GALE: variants seen among roughly 807,000 people sequenced by gnomAD.
The protein encoded by GALE is UDP-galactose-4-epimerase, also known as UDP-glucose 4-epimerase.
Under a neutral mutation model 44.1 loss-of-function variants are expected in GALE, and 32 were observed. The observed-to-expected ratio is 0.73, with a 90% CI of 0.55 to 0.97. GALE has a LOEUF of 0.97. GALE is among the 50% of genes least tolerant of loss of function. GALE has a pLI of 0.00. For missense variants in GALE, 423 were observed against 455.6 expected, an observed-to-expected ratio of 0.93 and a Z score of 0.65; for synonymous variants, 182 against 183.5, an observed-to-expected ratio of 0.99 and a Z score of 0.06.
rs1006253988 is a variant in GALE at position 23,797,781 on chromosome 1, G to T, written c.442C>A (p.His148Asn). 2 of 1,614,116 alleles carry T rather than the reference G, an allele frequency of 1.2e-6. No individual in the cohort carries two copies. The highest frequency in any genetic ancestry group is 1.7e-6 in the Non-Finnish European group (2 of 1,179,966). ...NPQYLPLDEA[H>N]PTGGCTNPYG... Reference sequence around the variant, plus strand: ...GGGTTGGTACAACCACCCGTGGGGTGGGCCTCATCAAGGGGCAGGTACTGG... The same window carrying T: ...GGGTTGGTACAACCACCCGTGGGGTTGGCCTCATCAAGGGGCAGGTACTGG... The change falls in exon 6 of 12, where the codon CAC becomes AAC. Residue 148 changes from histidine to asparagine, a missense_variant. By Grantham distance (68) the His-to-Asn change is moderately conservative (BLOSUM62 1). Coordinates refer to ENST00000617979, the MANE Select transcript of GALE (RefSeq NM_001008216.2).
chr1:23,800,230 C>G (rs925961083), intron 1 of GALE: 1 of 152,732 alleles, frequency 6.5e-6, no homozygotes, highest in South Asian at 1.9e-4. Flanking sequence ...GCGGCTCGCC[C>G]TTCCCCCACC....
In GALE at chr1:23,799,018, C is replaced by T. The variant is rs1331552865; in HGVS notation, c.-5-6G>A. The T allele has an allele frequency of 1.2e-6, 2 of 1,614,114 alleles. No homozygotes were observed. Among genetic ancestry groups the T allele is most frequent in the Admixed American group, 1.7e-5 (1 of 60,014 alleles). ...CACCTTCTCTGCCATGGCACCTGGC[C>T]CAGGATACAGAGTCTCAGAGGTGGC... On this transcript the variant is annotated splice_polypyrimidine_tract_variant and splice_region_variant and intron_variant, in intron 2 of 11. Transcript: ENST00000617979.
At position 23,798,047 on chromosome 1, in the gene GALE, G is replaced by A. The variant is rs1002887045; in HGVS notation, c.351+70C>T. 4.3e-6 allele frequency: 6 copies of A among 1,392,476 alleles called. No individual in the cohort carries two copies. The highest frequency in any genetic ancestry group is 2.3e-5 in the East Asian group (1 of 43,898). The allele number at this position is 1,392,476 out of a possible 1,614,324, so 86.3% of individuals were successfully genotyped here. ...TGATACAGCTTGGGCTCTGTGTTTG[G>A]CACTGCCTGCCAGGCTGGGGTCCAG... On this transcript the variant is annotated intron_variant, in intron 5 of 11. Transcript: ENST00000617979. This position sits in a 1 kb window ranked among gnomAD's most constrained non-coding sequence, Gnocchi z 4.5.
In GALE at chr1:23,796,496, CG is replaced by C; in HGVS notation, c.873+12del. ...GGTGAGGTGGGTGAGGTGGGTGGGGCGGGGGGGCCTACCTTCTTCCCAGAGG... is the reference window on the plus strand; with the variant it reads ...GGTGAGGTGGGTGAGGTGGGTGGGGCGGGGGGCCTACCTTCTTCCCAGAGG... On this transcript the variant is annotated intron_variant, in intron 10 of 11. Coordinates refer to ENST00000617979, the MANE Select transcript of GALE (RefSeq NM_001008216.2). The surrounding 1 kb of genome is among the most constrained non-coding windows in gnomAD (Gnocchi z 5.2). The C allele has an allele frequency of 1.4e-6, 2 of 1,393,256 alleles. No individual in the cohort carries two copies. The highest frequency in any genetic ancestry group is 9.7e-7 in the Non-Finnish European group (1 of 1,029,984). The allele number at this position is 1,393,256 out of a possible 1,614,324, so 86.3% of individuals were successfully genotyped here. A position where few individuals can be genotyped will look rare whatever the true frequency, so the allele number is the denominator to read the frequency against.
rs753266922 is a variant in GALE, at chr1:23,798,941, G to C, written c.67C>G (p.Leu23Val). 5 of 1,614,202 alleles carry C rather than the reference G, an allele frequency of 3.1e-6. No homozygotes were observed. The highest frequency in any genetic ancestry group is 2.2e-5 in the South Asian group (2 of 91,082). ...YIGSHTVLEL[L>V]EAGYLPVVID... ...ACCACAGGCAAGTAGCCAGCCTCCA[G>C]CAGCTCCAGCACCGTGTGGCTGCCA... The change falls in exon 3 of 12, where the codon CTG (leucine) becomes GTG (valine). Residue 23 changes from leucine to valine, a missense_variant. Leu to Val is a conservative substitution (Grantham distance 32). Coordinates refer to ENST00000617979, the MANE Select transcript of GALE (RefSeq NM_001008216.2). The surrounding 1 kb of genome is among the most constrained non-coding windows in gnomAD (Gnocchi z 4.5).
intron 6 of GALE, 70 bp downstream of exon 6, chr1:23,797,625 C>G (rs933448691): frequency 3.3e-5 from 49 of 1,485,964 alleles, no homozygotes; most frequent in Middle Eastern, 2.0e-4. Flanking sequence ...AATCCCACCC[C>G]TGGGCTCAGG....
At position 23,798,065 on chromosome 1, in the gene GALE, G is replaced by C. The variant is rs1006718483; in HGVS notation, c.351+52C>G. ...GTGTTTGGCACTGCCTGCCAGGCTG[G>C]GGTCCAGCTGGACACCCTCCTAGTG... is the stretch of plus-strand genomic sequence containing the variant. On this transcript the variant is annotated intron_variant, in intron 5 of 11. Transcript: ENST00000617979. The surrounding 1 kb of genome is among the most constrained non-coding windows in gnomAD (Gnocchi z 4.5). The C allele has an allele frequency of 2.0e-6, 3 of 1,472,682 alleles. No individual in the cohort carries two copies. The African/African-American group carries it at 4.2e-5, about 20-fold the overall frequency. The allele number at this position is 1,472,682 out of a possible 1,614,324, so 91.2% of individuals were successfully genotyped here.
chr1:23,795,781 G>A lies in GALE; in HGVS notation c.*168C>T. The A allele has an allele frequency of 1.5e-6, 1 of 674,604 alleles. No individual in the cohort carries two copies. The highest frequency in any genetic ancestry group is 2.7e-6 in the Non-Finnish European group (1 of 372,964). The allele number at this position is 674,604 out of a possible 1,614,324, so 41.8% of individuals were successfully genotyped here. A position where few individuals can be genotyped will look rare whatever the true frequency, so the allele number is the denominator to read the frequency against. ...AAGAGTTAGAGACCTCGGCCTCCTG[G>A]TCAGTGGAGCCCTTGGCCTCATGCC... is the stretch of plus-strand genomic sequence containing the variant. On this transcript the variant is annotated 3_prime_UTR_variant, in exon 12 of 12. Transcript: ENST00000617979.
rs1638939114 is a variant in GALE at position 23,796,093 on chromosome 1, C to T, written c.988+58G>A. The T allele has an allele frequency of 6.2e-7, 1 of 1,600,008 alleles. No individual in the cohort carries two copies. Among genetic ancestry groups the T allele is most frequent in the Non-Finnish European group, 8.6e-7 (1 of 1,167,576 alleles). On this transcript the variant is annotated intron_variant, in intron 11 of 11. Transcript: ENST00000617979. The surrounding 1 kb of genome is among the most constrained non-coding windows in gnomAD (Gnocchi z 5.2). ...CACAGCCCGCCCTGGGTGGGCATGC[C>T]CAGATCTGATTTAGCCCCTCCCTGG...
intron 6 of GALE, 138 bp downstream of exon 6, chr1:23,797,557 T>C (rs1423300692): frequency 2.4e-6 from 2 of 822,834 alleles, no homozygotes; most frequent in Non-Finnish European, 4.1e-6. Flanking sequence ...AAGCAGGGGA[T>C]GGGGCCCTCC....
chr1:23,797,552 G>A, intron 6 of GALE, 143 bp downstream of exon 6: 2 of 801,630 alleles, frequency 2.5e-6, no homozygotes, highest in South Asian at 1.4e-5. Context: ...GAAACAAGCA[G>A]GGGATGGGGC....
rs1181475406 is a variant in GALE at position 23,798,776 on chromosome 1, T to C, written c.122-46A>G. On this transcript the variant is annotated intron_variant, in intron 3 of 11. Coordinates refer to ENST00000617979, the MANE Select transcript of GALE (RefSeq NM_001008216.2). The surrounding 1 kb of genome is among the most constrained non-coding windows in gnomAD (Gnocchi z 4.5). ...CACATCATCACGACATGGGGTGCTGTGTTCCCAGGGACTAGCCAGACACAC... is the reference window on the plus strand; with the variant it reads ...CACATCATCACGACATGGGGTGCTGCGTTCCCAGGGACTAGCCAGACACAC... 1 of 1,609,270 alleles carries C rather than the reference T, an allele frequency of 6.2e-7. No individual in the cohort carries two copies. Among genetic ancestry groups the C allele is most frequent in the Admixed American group, 1.7e-5 (1 of 60,022 alleles).
chr1:23,796,639 G>A lies in GALE; in HGVS notation c.796-53C>T, dbSNP rs993602641. 1.3e-5 allele frequency: 21 copies of A among 1,613,926 alleles called. No individual in the cohort carries two copies. The African/African-American group carries it at 2.8e-4, about 22-fold the overall frequency. ...AGCGGGCTGGACTGACCACGCCTCT[G>A]GGCCGCTCTGCCTGGATCTGGTCCC... On this transcript the variant is annotated intron_variant, in intron 9 of 11. Transcript: ENST00000617979. This position sits in a 1 kb window ranked among gnomAD's most constrained non-coding sequence, Gnocchi z 5.2.
chr1:23,798,697 ACCCG>A lies in GALE; in HGVS notation c.151_154del (p.Arg51SerfsTer4), dbSNP rs780861587. The A allele has an allele frequency of 6.2e-7, 1 of 1,604,730 alleles. No individual in the cohort carries two copies. ...CACAGAGCGGCCTGTCAGCTCCTGG[ACCCG>A]CCGCAGGCTCTCAGGCAGGGAGCCC... On this transcript the variant is annotated frameshift_variant, in exon 4 of 12. Coordinates refer to ENST00000617979, the MANE Select transcript of GALE (RefSeq NM_001008216.2). LOFTEE classifies it high-confidence loss of function. The surrounding 1 kb of genome is among the most constrained non-coding windows in gnomAD (Gnocchi z 4.5).
At chr1:23,799,305 C>T in intron 2 of GALE, 61 bp downstream of exon 2, 1 of 452,568 alleles carries the variant, frequency 2.2e-6, no homozygotes, top group South Asian at 2.1e-5. Flanking sequence ...TCTTAAGGGC[C>T]CGCCACAGCA....
Position 23,796,821 on chromosome 1 carries a change from C to T in GALE, c.710-39G>A, listed in dbSNP as rs1253980102. On this transcript the variant is annotated intron_variant, in intron 8 of 11. Coordinates refer to ENST00000617979, the MANE Select transcript of GALE (RefSeq NM_001008216.2). This position sits in a 1 kb window ranked among gnomAD's most constrained non-coding sequence, Gnocchi z 5.2. ...AGTGTGTTGGATGGGGAGTCTGTTC[C>T]CCCTGACTCTCCTTCCTGGCTCCCA... 4.4e-6 allele frequency: 7 copies of T among 1,607,708 alleles called. No homozygotes were observed. The South Asian group carries it at 6.7e-5, about 15-fold the overall frequency.
In GALE at chr1:23,798,003, T is replaced by G; in HGVS notation, c.351+114A>C. 1 of 1,320,122 alleles carries G rather than the reference T, an allele frequency of 7.6e-7. No homozygotes were observed. Among genetic ancestry groups the G allele is most frequent in the Non-Finnish European group, 1.1e-6 (1 of 913,706 alleles). 81.8% of individuals were successfully genotyped at this position (1,320,122 alleles called of 1,614,324 possible). ...AGATGGGGAAACTGAGACTGGGAGG[T>G]AAAGACATGAGTCCAGGATGATACA... is the stretch of plus-strand genomic sequence containing the variant. On this transcript the variant is annotated intron_variant, in intron 5 of 11. Coordinates refer to ENST00000617979, the MANE Select transcript of GALE (RefSeq NM_001008216.2). This position sits in a 1 kb window ranked among gnomAD's most constrained non-coding sequence, Gnocchi z 4.5.
Position 23,796,855 on chromosome 1 carries a change from TC to T in GALE, c.709+20del. On this transcript the variant is annotated intron_variant, in intron 8 of 11. Coordinates refer to ENST00000617979, the MANE Select transcript of GALE (RefSeq NM_001008216.2). The surrounding 1 kb of genome is among the most constrained non-coding windows in gnomAD (Gnocchi z 5.2). ...CTCCTTCCTGGCTCCCACTCCTAGG[TC>T]CCCCTGGTCCTAGGCTCACCTGTGC... 6.2e-7 allele frequency: 1 copy of T among 1,611,504 alleles called. No individual in the cohort carries two copies.
Position 23,799,015 on chromosome 1 carries a change from G to A in GALE, c.-5-3C>T, listed in dbSNP as rs1284037675. ...CAGCACCTTCTCTGCCATGGCACCT[G>A]GCCCAGGATACAGAGTCTCAGAGGT... On this transcript the variant is annotated splice_polypyrimidine_tract_variant and splice_region_variant and intron_variant, in intron 2 of 11. Transcript: ENST00000617979. 6.2e-7 allele frequency: 1 copy of A among 1,614,122 alleles called. No homozygotes were observed. Among genetic ancestry groups the A allele is most frequent in the Admixed American group, 1.7e-5 (1 of 60,022 alleles).
Sources: gnomAD v4.1 joint callset for allele counts on GRCh38, gnomAD v4.1.1 for gene constraint, Gnocchi (gnomAD v3.1) non-coding constraint, MANE v1.5 for transcripts, NCBI Gene and HGNC (gene_info 2026-07-23, HGNC 2026-07-21) for gene names.